The following PLEKHG1 variants were observed in gnomAD, a reference collection of about 807,000 sequenced individuals.
The protein encoded by PLEKHG1 is pleckstrin homology and RhoGEF domain containing G1, also known as pleckstrin homology domain-containing family G member 1.
A neutral mutation model predicts 100.8 loss-of-function variants in PLEKHG1; 44 were observed. The ratio of observed to expected loss-of-function variants is 0.44; its 90% CI spans 0.34 to 0.56. PLEKHG1 has a LOEUF of 0.56. Among genes scored for constraint, PLEKHG1 ranks in the 20% least tolerant of loss-of-function variants. The pLI, the probability that PLEKHG1 is intolerant of heterozygous loss-of-function variation, is 0.01. For synonymous variants in PLEKHG1, 640 were observed against 662.5 expected (o/e 0.97, Z 0.52); for missense variants, 1,545 against 1,720.9 (o/e 0.90, Z 1.81).
intron 3 of PLEKHG1, among the ~76,000 whole-genome samples, chr6:150,775,868 C>T (rs1784933219): frequency 6.6e-6 from 1 of 152,058 alleles, no homozygotes; most frequent in Non-Finnish European, 1.5e-5. Context: ...TTCAACTGGA[C>T]TTTTCCAGGC....
At chr6:150,644,856 G>T (rs1778426369) in intron 2 of PLEKHG1, among the ~76,000 whole-genome samples, 1 of 151,964 alleles carries the variant, frequency 6.6e-6, no homozygotes, top group South Asian at 2.1e-4. Flanking sequence ...TATTTTTTAA[G>T]GCTCTAAATA....
In PLEKHG1 at chr6:150,656,104, A is replaced by T. The variant is rs189756842; in HGVS notation, c.-99+5318A>T. ...CAGAACTTAAAGTATAATAAAAAAT[A>T]AAAAAAAATCAACCAATAAAAAAAA... is the stretch of plus-strand genomic sequence containing the variant. On this transcript the variant is annotated intron_variant, in intron 3 of 3. Coordinates refer to the PLEKHG1 transcript ENST00000367326. Among the ~76,000 whole-genome samples, 58 of 151,536 alleles carry T rather than the reference A, an allele frequency of 3.8e-4. 1 individual carries two copies. Among genetic ancestry groups the T allele is most frequent in the Admixed American group, 3.4e-3 (51 of 15,216 alleles).
intron 3 of PLEKHG1, among the ~76,000 whole-genome samples, chr6:150,712,025 G>T (rs1199308352): frequency 3.3e-5 from 5 of 152,180 alleles, no homozygotes; most frequent in African/African-American, 7.2e-5. Flanking sequence ...ATCAGCCGGG[G>T]ACCTGGCAAG....
At chr6:150,821,875 C>G (rs931946536) in intron 13 of PLEKHG1, among the ~76,000 whole-genome samples, 1 of 149,132 alleles carries the variant, frequency 6.7e-6, no homozygotes, top group African/African-American at 2.5e-5. Flanking sequence ...GAGTCTTGCT[C>G]TTGTTGCCCA....
At chr6:150,775,936 G>A (rs1232489962) in intron 3 of PLEKHG1, among the ~76,000 whole-genome samples, 1 of 152,046 alleles carries the variant, frequency 6.6e-6, no homozygotes, top group African/African-American at 2.4e-5. Flanking sequence ...ATGCATATGT[G>A]TCTCTGTGGA....
At chr6:150,709,101 A>AG (rs1193073306) in intron 3 of PLEKHG1, among the ~76,000 whole-genome samples, 1 of 152,208 alleles carries the variant, frequency 6.6e-6, no homozygotes, top group South Asian at 2.1e-4. Flanking sequence ...TGGGAAGCCG[A>AG]GGCGGACGGA....
intron 15 of PLEKHG1, among the ~76,000 whole-genome samples, chr6:150,834,889 G>T (rs1351748638): frequency 2.0e-5 from 3 of 152,196 alleles, no homozygotes; most frequent in Non-Finnish European, 2.9e-5. Flanking sequence ...TCGTCCAGCT[G>T]GGTGATCGAG....
chr6:150,671,558 G>A (rs1248326869), intron 3 of PLEKHG1, among the ~76,000 whole-genome samples: 2 of 152,188 alleles, frequency 1.3e-5, no homozygotes, highest in Non-Finnish European at 2.9e-5. Flanking sequence ...TCCATATGCC[G>A]GGCACTGTAG....
rs778138794 is a variant in PLEKHG1, at chr6:150,734,087, G to C, written c.406G>C (p.Val136Leu). 3 of 1,607,674 alleles carry C rather than the reference G, an allele frequency of 1.9e-6. No individual in the cohort carries two copies. The East Asian group carries it at 6.7e-5, about 36-fold the overall frequency. Residue 136 changes from valine (V) to leucine (L), a missense_variant, in exon 2 of 16, where the codon GTA (valine) becomes CTA (leucine). Val to Leu is a conservative substitution (Grantham distance 32, BLOSUM62 1). Transcript: ENST00000358517. The stretch of plus-strand genomic sequence containing the variant: ...TTATGTACAAGATTTAAAAAGCATC[G>C]TAGAGGTAAGACCGACTTCGCTTTT...
At chr6:150,665,212 T>G (rs1779349643) in intron 3 of PLEKHG1, among the ~76,000 whole-genome samples, 1 of 152,206 alleles carries the variant, frequency 6.6e-6, no homozygotes, top group Non-Finnish European at 1.5e-5. Context: ...GTTACTTAAA[T>G]AAATTATCGC....
chr6:150,809,506 G>A (rs1787360415), intron 9 of PLEKHG1, 30 bp downstream of exon 10: 1 of 1,580,280 alleles, frequency 6.3e-7, no homozygotes. Flanking sequence ...CTCTCCGCAA[G>A]GCCCCTTTGT....
At chr6:150,801,776 C>T (rs907822009) in intron 6 of PLEKHG1, among the ~76,000 whole-genome samples, 1 of 151,596 alleles carries the variant, frequency 6.6e-6, no homozygotes, top group African/African-American at 2.4e-5. Flanking sequence ...AAAACTGATG[C>T]GAATGGAAAA....
At chr6:150,635,727 G>C (rs1366330810) in intron 1 of PLEKHG1, among the ~76,000 whole-genome samples, 1 of 152,076 alleles carries the variant, frequency 6.6e-6, no homozygotes, top group Non-Finnish European at 1.5e-5. Context: ...TAAATAAACT[G>C]TTAAATGTTC....
At chr6:150,667,991 A>G (rs1272518380) in intron 3 of PLEKHG1, among the ~76,000 whole-genome samples, 1 of 152,260 alleles carries the variant, frequency 6.6e-6, no homozygotes, top group Non-Finnish European at 1.5e-5. Context: ...TTTGAAGATT[A>G]TCTTGTATAC....
rs1780179963 is a variant in PLEKHG1, at chr6:150,687,457, A to G, written c.-99+36671A>G. Among the ~76,000 whole-genome samples, 5 of 152,350 alleles carry G rather than the reference A, an allele frequency of 3.3e-5. No individual in the cohort carries two copies. The South Asian group carries it at 1.0e-3, about 32-fold the overall frequency. The stretch of plus-strand genomic sequence containing the variant: ...TTGTTACTATCGTTTTGAGGCAACA[A>G]TAGAACTAGTGACAAAAATATAGCT... On this transcript the variant is annotated intron_variant, in intron 3 of 3. Transcript: ENST00000367326.
At chr6:150,611,234 T>C (rs1776814461) in intron 1 of PLEKHG1, among the ~76,000 whole-genome samples, 1 of 152,238 alleles carries the variant, frequency 6.6e-6, no homozygotes. Context: ...GGGTTCTGAA[T>C]GAAAACCTTA....
chr6:150,819,575 A>G, intron 11 of PLEKHG1, 104 bp from the exon 13 acceptor site: 1 of 543,172 alleles, frequency 1.8e-6, no homozygotes, highest in East Asian at 3.3e-5. Flanking sequence ...CAAAAATAAT[A>G]ATAATAATAA....
upstream of PLEKHG1, chr6:150,721,024 T>G (rs1340205564): frequency 3.0e-6 from 1 of 334,100 alleles, no homozygotes; most frequent in Non-Finnish European, 4.3e-6. Flanking sequence ...AGTGAGAAAG[T>G]TGCAAATCAG....
At chr6:150,669,151 T>C (rs2128583962) in intron 3 of PLEKHG1, among the ~76,000 whole-genome samples, 1 of 152,294 alleles carries the variant, frequency 6.6e-6, no homozygotes, top group South Asian at 2.1e-4. Flanking sequence ...AGCCCCACTG[T>C]GGGTTCAGGA....
Sources: allele counts gnomAD v4.1 joint callset (sites outside exome capture counted in the v4.1 genomes callset), GRCh38; gene constraint gnomAD v4.1.1; transcripts MANE v1.5; gene names NCBI Gene and HGNC (gene_info 2026-07-23, HGNC 2026-07-21).